AGBL1: variants seen among roughly 807,000 people sequenced by gnomAD.
The protein encoded by AGBL1 is AGBL carboxypeptidase 1.
Under a neutral mutation model 118.9 loss-of-function variants are expected in AGBL1, and 130 were observed. The ratio of observed to expected loss-of-function variants is 1.09; its 90% CI spans 0.95 to 1.26. The LOEUF (loss-of-function observed/expected upper bound fraction) is 1.26, where lower values mean the gene tolerates loss of function less well. Among genes scored for constraint, AGBL1 ranks in the 50% most tolerant of loss-of-function variants. The pLI is 0.00. For missense variants in AGBL1, 1,584 were observed against 1,298.1 expected, an observed-to-expected ratio of 1.22 and a Z score of -3.38; for synonymous variants, 555 against 478.9, an observed-to-expected ratio of 1.16 and a Z score of -2.08.
intron 3 of AGBL1, among the ~76,000 whole-genome samples, chr15:86,153,479 G>A (rs999703175): frequency 3.3e-5 from 5 of 151,510 alleles, no homozygotes; most frequent in Non-Finnish European, 5.9e-5. Flanking sequence ...TGGATACAGG[G>A]CAGTGAACAT....
chr15:86,596,199 T>C (rs1247811962), intron 21 of AGBL1, among the ~76,000 whole-genome samples: 1 of 152,094 alleles, frequency 6.6e-6, no homozygotes, highest in East Asian at 1.9e-4. Flanking sequence ...TCCCAGCTAC[T>C]CAGGAGGTCG....
chr15:86,397,344 T>C (rs1454706830), intron 17 of AGBL1, 22 bp from the exon 18 acceptor site: 1 of 1,445,566 alleles, frequency 6.9e-7, no homozygotes, highest in Non-Finnish European at 9.2e-7. Flanking sequence ...GGTTTAATTT[T>C]CTTATGTCCC....
intron 22 of AGBL1, among the ~76,000 whole-genome samples, chr15:86,863,301 G>T (rs1484841802): frequency 1.3e-5 from 2 of 152,152 alleles, no homozygotes; most frequent in Non-Finnish European, 2.9e-5. Flanking sequence ...TCACCCCTAA[G>T]GAACTGCATA....
chr15:86,301,445 TA>T lies in AGBL1; in HGVS notation c.2374+6047del, dbSNP rs201370961. ...TGATGCTTTTGACAAATAGTACAGC[TA>T]AAAAAAAAATTAACTACAAGAGCAT... On this transcript the variant is annotated intron_variant, in intron 17 of 22. Transcript: ENST00000614907. Among the ~76,000 whole-genome samples the T allele has an allele frequency of 8.9e-3, 1,312 of 147,994 alleles. 22 individuals are homozygous for T. Among genetic ancestry groups the T allele is most frequent in the African/African-American group, 0.03 (1,221 of 40,332 alleles).
chr15:86,668,105 C>G (rs890900743), intron 21 of AGBL1, among the ~76,000 whole-genome samples: 3 of 152,134 alleles, frequency 2.0e-5, no homozygotes, highest in Non-Finnish European at 2.9e-5. Context: ...TCACTCGTTC[C>G]CATGGGGAGG....
chr15:86,496,547 GATTA>G (rs1000228052), intron 18 of AGBL1, among the ~76,000 whole-genome samples: 4 of 151,744 alleles, frequency 2.6e-5, no homozygotes, highest in East Asian at 1.9e-4. Flanking sequence ...CCTGTATTTG[GATTA>G]ATTTTTTCCA....
chr15:86,959,015 C>T (rs564905370), intron 23 of AGBL1, among the ~76,000 whole-genome samples: 1 of 152,060 alleles, frequency 6.6e-6, no homozygotes, highest in Admixed American at 6.5e-5. Context: ...TAGTTGCCTA[C>T]AAATGTAGTA....
chr15:86,295,471 A>C (rs1597695874), intron 17 of AGBL1, 63 bp downstream of exon 17: 1 of 1,475,456 alleles, frequency 6.8e-7, no homozygotes, highest in East Asian at 2.4e-5. Flanking sequence ...TAGTCTTGGA[A>C]GCATTCTGTC....
chr15:86,857,544 A>G (rs1596557244), intron 22 of AGBL1, among the ~76,000 whole-genome samples: 1 of 152,300 alleles, frequency 6.6e-6, no homozygotes, highest in East Asian at 1.9e-4. Context: ...CTACCTGGCT[A>G]ACTATTCCTT....
intron 21 of AGBL1, among the ~76,000 whole-genome samples, chr15:86,633,734 G>A (rs1021159573): frequency 2.7e-5 from 4 of 148,930 alleles, no homozygotes; most frequent in African/African-American, 9.8e-5. Flanking sequence ...TGCTATCTTT[G>A]TACTGTATTA....
intron 21 of AGBL1, among the ~76,000 whole-genome samples, chr15:86,597,307 A>G (rs1390008293): frequency 6.6e-6 from 1 of 152,206 alleles, no homozygotes; most frequent in Non-Finnish European, 1.5e-5. Context: ...GTAAATATAC[A>G]GTGATGTGCT....
intron 16 of AGBL1, among the ~76,000 whole-genome samples, chr15:86,288,418 A>G (rs2079489015): frequency 6.6e-6 from 1 of 152,110 alleles, no homozygotes; most frequent in Non-Finnish European, 1.5e-5. Context: ...TCAGGGCTTT[A>G]GTTAATAATT....
At position 86,554,474 on chromosome 15, in the gene AGBL1, G is replaced by C; in HGVS notation, c.2931G>C (p.Met977Ile). The change falls in exon 21 of 23, where the codon ATG (methionine) becomes ATC (isoleucine). Residue 977 changes from methionine to isoleucine, a missense_variant. By Grantham distance (10) the Met-to-Ile change is conservative. Coordinates refer to ENST00000614907, the MANE Select transcript of AGBL1 (RefSeq NM_001386094.1). ...CCCGGGTGGTGGTGTGGAGAGAGAT[G>C]GGGGTGTCCAGAAGCTACACCATGG... is the stretch of plus-strand genomic sequence containing the variant. ...STARVVVWRE[M>I]GVSRSYTMES... 1 of 1,586,894 alleles carries C rather than the reference G, an allele frequency of 6.3e-7. No homozygotes were observed. Among genetic ancestry groups the C allele is most frequent in the South Asian group, 1.2e-5 (1 of 86,378 alleles).
At chr15:86,209,958 G>C (rs1262972466) in intron 5 of AGBL1, among the ~76,000 whole-genome samples, 1 of 152,182 alleles carries the variant, frequency 6.6e-6, no homozygotes. Flanking sequence ...GGAACTGATT[G>C]TTCCTTTCCA....
At chr15:86,589,017 A>G (rs2084295881) in intron 21 of AGBL1, among the ~76,000 whole-genome samples, 1 of 146,890 alleles carries the variant, frequency 6.8e-6, no homozygotes, top group Non-Finnish European at 1.5e-5. Context: ...GAATCTTCAT[A>G]TATATATATA....
intron 21 of AGBL1, among the ~76,000 whole-genome samples, chr15:86,667,324 A>G (rs1052725212): frequency 1.3e-5 from 2 of 151,944 alleles, no homozygotes; most frequent in African/African-American, 4.8e-5. Flanking sequence ...TAATGCAATA[A>G]TCAGTTTTTG....
At chr15:86,083,987 G>T (rs1895466077) in intron 1 of AGBL1, among the ~76,000 whole-genome samples, 1 of 152,034 alleles carries the variant, frequency 6.6e-6, no homozygotes, top group African/African-American at 2.4e-5. Context: ...AGGTTCCCTA[G>T]GAAGTTTGAG....
chr15:86,547,771 T>C (rs1259207006), intron 20 of AGBL1, among the ~76,000 whole-genome samples: 1 of 152,170 alleles, frequency 6.6e-6, no homozygotes, highest in Non-Finnish European at 1.5e-5. Flanking sequence ...TGAGCCTCAC[T>C]TTTCTCCCTT....
At chr15:86,213,394 G>A (rs2078133421) in intron 5 of AGBL1, among the ~76,000 whole-genome samples, 1 of 152,180 alleles carries the variant, frequency 6.6e-6, no homozygotes, top group African/African-American at 2.4e-5. Context: ...TTTCACAAGT[G>A]AGATTCCTAG....
Sources: gnomAD v4.1 joint callset for allele counts (sites outside exome capture counted in the v4.1 genomes callset) on GRCh38, gnomAD v4.1.1 for gene constraint, MANE v1.5 for transcripts, NCBI Gene and HGNC (gene_info 2026-07-23, HGNC 2026-07-21) for gene names.